The following ENC1 variants were observed in gnomAD, a reference collection of about 807,000 sequenced individuals.
The protein encoded by ENC1 is ectoderm-neural cortex protein 1.
Under a neutral mutation model 40.9 loss-of-function variants are expected in ENC1, and 19 were observed. The observed-to-expected ratio is 0.46, with a 90% confidence interval of 0.32 to 0.68. The LOEUF (loss-of-function observed/expected upper bound fraction) is 0.68. ENC1 is among the 30% of genes least tolerant of loss of function. ENC1 has a pLI of 0.03. For synonymous variants in ENC1, 285 were observed against 291.1 expected, an observed-to-expected ratio of 0.98 and a Z score of 0.21; for missense variants, 479 against 737.5, an observed-to-expected ratio of 0.65 and a Z score of 4.06.
rs1318827755 is a variant in ENC1, at chr5:74,640,538, G to A, written c.-245C>T. On this transcript the variant is annotated 5_prime_UTR_variant, in exon 1 of 3. Coordinates refer to ENST00000302351, the MANE Select transcript of ENC1 (RefSeq NM_003633.4). ...GGACCCGGTGTCCAGGACCCGCAGA[G>A]CGTCTCCGGAGCGCGTCACGGTAGG... 1 of 152,266 alleles carries A rather than the reference G, an allele frequency of 6.6e-6. No individual in the cohort carries two copies. Among genetic ancestry groups the A allele is most frequent in the Non-Finnish European group, 1.5e-5 (1 of 68,072 alleles). 9.4% of individuals were successfully genotyped at this position (152,266 alleles called of 1,614,324 possible).
intron 1 of ENC1, among the ~76,000 whole-genome samples, chr5:74,637,337 TCC>T (rs900151139): frequency 1.3e-5 from 2 of 152,084 alleles, no homozygotes; most frequent in Non-Finnish European, 2.9e-5. Flanking sequence ...CACCTGATCC[TCC>T]CACCTCGGCA....
At position 74,629,596 on chromosome 5, in the gene ENC1, G is replaced by C. The variant is rs1401068401; in HGVS notation, c.*429C>G. 1 of 152,228 alleles carries C rather than the reference G, an allele frequency of 6.6e-6. No homozygotes were observed. Among genetic ancestry groups the C allele is most frequent in the East Asian group, 1.9e-4 (1 of 5,186 alleles). 9.4% of individuals were successfully genotyped at this position (152,228 alleles called of 1,614,324 possible). A position where few individuals can be genotyped will look rare whatever the true frequency, so the allele number is the denominator to read the frequency against. On this transcript the variant is annotated 3_prime_UTR_variant, in exon 3 of 3. Transcript: ENST00000302351. ...AATCTCCAGCAGCAGCTGGTGTGGA[G>C]GCTTCAAGCTCTGTCCTCAGAGAGA...
In ENC1 at chr5:74,636,188, G is replaced by T; in HGVS notation, c.298C>A (p.Leu100Met). Residue 100 changes from leucine to methionine, a missense_variant, in exon 2 of 3, where the codon CTG becomes ATG. Transcript: ENST00000302351. This position sits in a 1 kb window ranked among gnomAD's most constrained non-coding sequence, Gnocchi z 4.8. The stretch of plus-strand genomic sequence containing the variant: ...GAGGAGTACGCATAGTCAAGCAGCA[G>T]CTCCAAGACTTCTGGGTGGATGGAA... ...DNSIHPEVLELLLDYAYSSRV... is the reference protein window; with the variant it reads ...DNSIHPEVLEMLLDYAYSSRV... The T allele has an allele frequency of 6.2e-7, 1 of 1,614,168 alleles. No individual in the cohort carries two copies. The highest frequency in any genetic ancestry group is 8.5e-7 in the Non-Finnish European group (1 of 1,180,030).
rs1044141452 is a variant in ENC1, at chr5:74,627,809, G to A, written c.*2216C>T. ...CTTCAAAGTGTGGGACGTTTCACAG[G>A]GTGAGAATGGTCAAGTAGTGAGACC... On this transcript the variant is annotated 3_prime_UTR_variant, in exon 3 of 3. Transcript: ENST00000302351. 7.2e-5 allele frequency: 11 copies of A among 152,612 alleles called. No homozygotes were observed. Among genetic ancestry groups the A allele is most frequent in the Non-Finnish European group, 1.3e-4 (9 of 68,056 alleles). The allele number at this position is 152,612 out of a possible 1,614,324, so 9.5% of individuals were successfully genotyped here.
At position 74,635,383 on chromosome 5, in the gene ENC1, C is replaced by T; in HGVS notation, c.1103G>A (p.Trp368Ter). The stretch of plus-strand genomic sequence containing the variant: ...CACCAGCATGGGGGCAGCCTTGGAC[C>T]ACTCCTCGTGCAGGGTATCATAAAC... ...VWVYDTLHEE[W>*]SKAAPMLVAR... The change falls in exon 2 of 3, where the codon TGG becomes TAG. Residue 368 changes from tryptophan (W) to a stop codon, truncating the protein, a stop_gained. Transcript: ENST00000302351. LOFTEE classifies it high-confidence loss of function. This position sits in a 1 kb window ranked among gnomAD's most constrained non-coding sequence, Gnocchi z 5.5. 1.2e-6 allele frequency: 2 copies of T among 1,614,176 alleles called. No individual in the cohort carries two copies. Among genetic ancestry groups the T allele is most frequent in the Non-Finnish European group, 1.7e-6 (2 of 1,180,038 alleles).
rs538179656 is a variant in ENC1 at position 74,634,187 on chromosome 5, G to T, written c.*32+497C>A. 2.0e-5 allele frequency among the ~76,000 whole-genome samples: 3 copies of T among 152,264 alleles called. No individual in the cohort carries two copies. In the South Asian group the frequency reaches 6.2e-4, roughly 32 times the overall value. On this transcript the variant is annotated intron_variant, in intron 2 of 2. Transcript: ENST00000302351. Reference sequence around the variant, plus strand: ...CCAGCACTTTGTGAGGCCGAGGCGGGCGGATCATGAGGTCAGGAGATCAAG... The same window carrying T: ...CCAGCACTTTGTGAGGCCGAGGCGGTCGGATCATGAGGTCAGGAGATCAAG...
intron 2 of ENC1, among the ~76,000 whole-genome samples, chr5:74,632,992 C>T (rs941870852): frequency 6.6e-6 from 1 of 152,194 alleles, no homozygotes; most frequent in Non-Finnish European, 1.5e-5. Flanking sequence ...AGGCCTAGAT[C>T]TCCTTTTCTC....
rs1747262454 is a variant in ENC1, at chr5:74,628,071, T to C, written c.*1954A>G. ...AACTACAGAGCTGTAACTGCTACAA[T>C]ATAAACGACACTGACTATGCCCACT... On this transcript the variant is annotated 3_prime_UTR_variant, in exon 3 of 3. Coordinates refer to ENST00000302351, the MANE Select transcript of ENC1 (RefSeq NM_003633.4). 6.6e-6 allele frequency: 1 copy of C among 152,566 alleles called. No individual in the cohort carries two copies. Among genetic ancestry groups the C allele is most frequent in the Admixed American group, 6.5e-5 (1 of 15,290 alleles). 9.5% of individuals were successfully genotyped at this position (152,566 alleles called of 1,614,324 possible).
At chr5:74,638,900 G>A (rs1045653532) in intron 1 of ENC1, among the ~76,000 whole-genome samples, 13 of 152,192 alleles carry the variant, frequency 8.5e-5, no homozygotes, top group African/African-American at 2.9e-4. Flanking sequence ...GCTAGGCCCA[G>A]AACACATTTC....
At position 74,635,384 on chromosome 5, in the gene ENC1, A is replaced by C. The variant is rs1294116420; in HGVS notation, c.1102T>G (p.Trp368Gly). 2 of 1,613,550 alleles carry C rather than the reference A, an allele frequency of 1.2e-6. No homozygotes were observed. Reference sequence around the variant, plus strand: ...ACCAGCATGGGGGCAGCCTTGGACCACTCCTCGTGCAGGGTATCATAAACC... The same window carrying C: ...ACCAGCATGGGGGCAGCCTTGGACCCCTCCTCGTGCAGGGTATCATAAACC... ...VWVYDTLHEEWSKAAPMLVAR... is the reference protein window; with the variant it reads ...VWVYDTLHEEGSKAAPMLVAR... The change falls in exon 2 of 3, where the codon TGG becomes GGG. Residue 368 changes from tryptophan to glycine, a missense_variant. Coordinates refer to ENST00000302351, the MANE Select transcript of ENC1 (RefSeq NM_003633.4). This position sits in a 1 kb window ranked among gnomAD's most constrained non-coding sequence, Gnocchi z 5.5.
rs75378084 is a variant in ENC1, at chr5:74,638,854, A to C, written c.-14+1453T>G. ...TGAGGCTCCCTGAAACTAGGTGCAC[A>C]GGCACCAAAATGCTTACACATTGAG... On this transcript the variant is annotated intron_variant, in intron 1 of 2. Coordinates refer to ENST00000302351, the MANE Select transcript of ENC1 (RefSeq NM_003633.4). Among the ~76,000 whole-genome samples the C allele has an allele frequency of 7.4e-3, 1,124 of 152,372 alleles. 9 individuals are homozygous for C. The highest frequency in any genetic ancestry group is 0.025 in the African/African-American group (1,059 of 41,590).
chr5:74,635,486 T>C lies in ENC1; in HGVS notation c.1000A>G (p.Ser334Gly), dbSNP rs1561193057. ...ACTTTGCAGCCAATCGCACATGCAC[T>C]AAACTCTTTTCTTGGGCTGGGAATG... is the stretch of plus-strand genomic sequence containing the variant. ...ADIPSPRKEF[S>G]ACAIGCKVYI... The change falls in exon 2 of 3, where the codon AGT becomes GGT. Residue 334 changes from serine to glycine, a missense_variant. By Grantham distance (56) the Ser-to-Gly change is moderately conservative (BLOSUM62 0). Coordinates refer to ENST00000302351, the MANE Select transcript of ENC1 (RefSeq NM_003633.4). This position sits in a 1 kb window ranked among gnomAD's most constrained non-coding sequence, Gnocchi z 5.5. 1 of 1,614,228 alleles carries C rather than the reference T, an allele frequency of 6.2e-7. No homozygotes were observed. The highest frequency in any genetic ancestry group is 8.5e-7 in the Non-Finnish European group (1 of 1,180,038).
chr5:74,635,979 C>T lies in ENC1; in HGVS notation c.507G>A (p.Trp169Ter). The stretch of plus-strand genomic sequence containing the variant: ...TTTGGAAGTTGCTGAGACACATTCT[C>T]CAAGATAGTTCGTACAGCTTGGTGC... ...HQCTKLYELSWRMCLSNFQTI... is the reference protein window; with the variant it reads ...HQCTKLYELS Residue 169 changes from tryptophan to a stop codon, truncating the protein, a stop_gained, in exon 2 of 3, where the codon TGG becomes TGA. Coordinates refer to ENST00000302351, the MANE Select transcript of ENC1 (RefSeq NM_003633.4). LOFTEE classifies it high-confidence loss of function. The surrounding 1 kb of genome is among the most constrained non-coding windows in gnomAD (Gnocchi z 5.5). 6.2e-7 allele frequency: 1 copy of T among 1,614,174 alleles called. No individual in the cohort carries two copies. Among genetic ancestry groups the T allele is most frequent in the Non-Finnish European group, 8.5e-7 (1 of 1,180,028 alleles).
Position 74,629,229 on chromosome 5 carries a change from A to AT in ENC1, c.*795dup, listed in dbSNP as rs1307649562. 3 of 151,480 alleles carry AT rather than the reference A, an allele frequency of 2.0e-5. No individual in the cohort carries two copies. Among genetic ancestry groups the AT allele is most frequent in the Non-Finnish European group, 4.4e-5 (3 of 67,958 alleles). The allele number at this position is 151,480 out of a possible 1,614,324, so 9.4% of individuals were successfully genotyped here. A position where few individuals can be genotyped will look rare whatever the true frequency, so the allele number is the denominator to read the frequency against. ...TCCAAATTGTAACTCAAAAATTTTC[A>AT]TGTTTGTGCAGCAAAGCACATCTCA... is the stretch of plus-strand genomic sequence containing the variant. On this transcript the variant is annotated 3_prime_UTR_variant, in exon 3 of 3. Transcript: ENST00000302351.
chr5:74,633,497 T>C (rs1048639984), intron 2 of ENC1, among the ~76,000 whole-genome samples: 5 of 152,208 alleles, frequency 3.3e-5, no homozygotes, highest in East Asian at 1.9e-4. Context: ...AAGACAGATA[T>C]AGATTTATCT....
At chr5:74,634,485 C>A (rs1419209703) in intron 2 of ENC1, among the ~76,000 whole-genome samples, 199 bp downstream of exon 2, 1 of 152,062 alleles carries the variant, frequency 6.6e-6, no homozygotes, top group African/African-American at 2.4e-5. Flanking sequence ...AGCTGAGAAC[C>A]ACTGGCTAAT....
chr5:74,635,671 C>T lies in ENC1; in HGVS notation c.815G>A (p.Cys272Tyr). ...SKEIVEEAIR[C>Y]KLKILQNDGV... ...GTCATTCTGCAGGATTTTCAGTTTG[C>T]ACCTGATGGCCTCTTCCACAATTTC... The change falls in exon 2 of 3, where the codon TGC becomes TAC. Residue 272 changes from cysteine to tyrosine, a missense_variant. Cys to Tyr is a radical substitution (Grantham distance 194). Transcript: ENST00000302351. The surrounding 1 kb of genome is among the most constrained non-coding windows in gnomAD (Gnocchi z 5.5). The T allele has an allele frequency of 6.2e-7, 1 of 1,614,182 alleles. No homozygotes were observed. Among genetic ancestry groups the T allele is most frequent in the Non-Finnish European group, 8.5e-7 (1 of 1,180,018 alleles).
intron 2 of ENC1, chr5:74,632,360 T>C (rs1253909439): frequency 6.6e-6 from 1 of 152,228 alleles, no homozygotes; most frequent in Non-Finnish European, 1.5e-5. Flanking sequence ...AGCATTTGTT[T>C]ATTCAAGATT....
rs1242733432 is a variant in ENC1 at position 74,628,437 on chromosome 5, C to G, written c.*1588G>C. 6.5e-6 allele frequency: 1 copy of G among 152,708 alleles called. No individual in the cohort carries two copies. The highest frequency in any genetic ancestry group is 6.5e-5 in the Admixed American group (1 of 15,304). The allele number at this position is 152,708 out of a possible 1,614,324, so 9.5% of individuals were successfully genotyped here. ...GTCTTCCCCTGCACCTCAGGGGAAG[C>G]ACCTATCTGAGACTAGCACTAATAC... On this transcript the variant is annotated 3_prime_UTR_variant, in exon 3 of 3. Coordinates refer to ENST00000302351, the MANE Select transcript of ENC1 (RefSeq NM_003633.4).
Sources: gnomAD v4.1 joint callset for allele counts (sites outside exome capture counted in the v4.1 genomes callset) on GRCh38, gnomAD v4.1.1 for gene constraint, Gnocchi (gnomAD v3.1) non-coding constraint, MANE v1.5 for transcripts, NCBI Gene and HGNC (gene_info 2026-07-23, HGNC 2026-07-21) for gene names.